PEX14: variants seen among roughly 807,000 people sequenced by gnomAD.
PEX14 encodes peroxisomal biogenesis factor 14, also known as peroxisomal membrane protein PEX14.
Under a neutral mutation model 49.5 loss-of-function variants are expected in PEX14, and 15 were observed. That is an observed-to-expected ratio of 0.30 (90% confidence interval 0.20 to 0.47). The LOEUF is 0.47. Ranked by LOEUF, PEX14 falls within the 20% of genes least tolerant of loss-of-function variation. PEX14 has a pLI of 1.00. For missense variants in PEX14, 398 were observed against 494.8 expected, an observed-to-expected ratio of 0.80 and a Z score of 1.86; for synonymous variants, 210 against 212.7, an observed-to-expected ratio of 0.99 and a Z score of 0.11.
Position 10,630,217 on chromosome 1 carries a change from G to A in PEX14, c.*230G>A, listed in dbSNP as rs1470481443. 4 of 658,452 alleles carry A rather than the reference G, an allele frequency of 6.1e-6. No homozygotes were observed. Among genetic ancestry groups the A allele is most frequent in the Admixed American group, 6.0e-5 (2 of 33,284 alleles). 40.8% of individuals were successfully genotyped at this position (658,452 alleles called of 1,614,324 possible). On this transcript the variant is annotated 3_prime_UTR_variant, in exon 9 of 9. Coordinates refer to ENST00000356607, the MANE Select transcript of PEX14 (RefSeq NM_004565.3). The surrounding 1 kb of genome is among the most constrained non-coding windows in gnomAD (Gnocchi z 4.1). ...AGCCCCAGCCCCAGCCCCAGGCCCAGCTGCCTTTGGCTTTGATCTCAAGTC... is the reference window on the plus strand; with the variant it reads ...AGCCCCAGCCCCAGCCCCAGGCCCAACTGCCTTTGGCTTTGATCTCAAGTC...
intron 3 of PEX14, among the ~76,000 whole-genome samples, chr1:10,581,305 CTTTTTTTTTTT>C (rs71583884): frequency 2.4e-5 from 3 of 126,990 alleles, no homozygotes; most frequent in Admixed American, 1.6e-4. Flanking sequence ...CTTTGTTATC[CTTTTTTTTTTT>C]TTTTTTTTGA....
At chr1:10,485,146 G>A (rs1267925475) in intron 1 of PEX14, among the ~76,000 whole-genome samples, 1 of 151,564 alleles carries the variant, frequency 6.6e-6, no homozygotes, top group Non-Finnish European at 1.5e-5. Flanking sequence ...AAGTGTTTGC[G>A]AGGACATATT....
chr1:10,599,010 A>G (rs988750751), intron 3 of PEX14, among the ~76,000 whole-genome samples: 3 of 152,142 alleles, frequency 2.0e-5, no homozygotes, highest in African/African-American at 7.2e-5. Flanking sequence ...AGGATAAATT[A>G]AGGAAATTGA....
chr1:10,502,435 G>A (rs1198995686), intron 2 of PEX14, among the ~76,000 whole-genome samples: 2 of 152,194 alleles, frequency 1.3e-5, no homozygotes, highest in African/African-American at 2.4e-5. Flanking sequence ...ATCACAGACA[G>A]CAGGTTTATT....
intron 3 of PEX14, among the ~76,000 whole-genome samples, chr1:10,585,520 T>C (rs1418725558): frequency 1.3e-5 from 2 of 152,204 alleles, no homozygotes; most frequent in Admixed American, 1.3e-4. Flanking sequence ...ACACCTTTAG[T>C]ATAAAGATAT....
At chr1:10,532,348 T>G (rs1638673798) in intron 2 of PEX14, among the ~76,000 whole-genome samples, 1 of 151,704 alleles carries the variant, frequency 6.6e-6, no homozygotes, top group Non-Finnish European at 1.5e-5. Context: ...GTGGCAGGGT[T>G]GTTTTATTTT....
At chr1:10,538,087 G>T (rs940804733) in intron 3 of PEX14, among the ~76,000 whole-genome samples, 1 of 152,212 alleles carries the variant, frequency 6.6e-6, no homozygotes, top group African/African-American at 2.4e-5. Context: ...CCCTCGCAGA[G>T]CTTAAATTCT....
At chr1:10,536,443 C>G (rs1406668924) in intron 3 of PEX14, 146 bp downstream of exon 3, 3 of 681,282 alleles carry the variant, frequency 4.4e-6, no homozygotes, top group Admixed American at 2.3e-5. Context: ...GGCGAACCCC[C>G]CAGTGGGGCA....
chr1:10,594,405 C>G (rs1244437264), intron 3 of PEX14, among the ~76,000 whole-genome samples: 1 of 152,152 alleles, frequency 6.6e-6, no homozygotes, highest in South Asian at 2.1e-4. Flanking sequence ...GGCTGCAGAG[C>G]GGGGAGGAAG....
chr1:10,485,343 G>C (rs931529675), intron 1 of PEX14, among the ~76,000 whole-genome samples: 8 of 37,736 alleles, frequency 2.1e-4, no homozygotes, highest in Non-Finnish European at 3.7e-4. Flanking sequence ...GGTCTTTTTT[G>C]TCTTTGTCGC....
At chr1:10,536,500 G>C in intron 3 of PEX14, 1 of 594,908 alleles carries the variant, frequency 1.7e-6, no homozygotes, top group Non-Finnish European at 3.1e-6. Flanking sequence ...ACACGATTCG[G>C]GTAATTAAGC....
At chr1:10,524,355 G>C (rs1638399672) in intron 2 of PEX14, 2 of 361,748 alleles carry the variant, frequency 5.5e-6, no homozygotes, top group Admixed American at 6.4e-5. Context: ...AAAGCAAGAT[G>C]GTAATTCATA....
rs535672571 is a variant in PEX14, at chr1:10,582,841, C to T, written c.170-16397C>T. On this transcript the variant is annotated intron_variant, in intron 3 of 8. Transcript: ENST00000356607. ...CTCCGCCTCCCGGATTCAATCAATT[C>T]TGCCACCCCAGCCTCCTGAGTAGCT... is the stretch of plus-strand genomic sequence containing the variant. Among the ~76,000 whole-genome samples, 399 of 152,234 alleles carry T rather than the reference C, an allele frequency of 2.6e-3. 3 individuals carry two copies. Among genetic ancestry groups the T allele is most frequent in the Middle Eastern group, 6.8e-3 (2 of 294 alleles).
chr1:10,526,409 G>C (rs1638484964), intron 2 of PEX14, among the ~76,000 whole-genome samples: 1 of 152,028 alleles, frequency 6.6e-6, no homozygotes, highest in African/African-American at 2.4e-5. Context: ...ATTACAGACG[G>C]TGTTTCACCA....
chr1:10,572,689 A>G (rs11583484), intron 3 of PEX14, among the ~76,000 whole-genome samples: 9 of 144,834 alleles, frequency 6.2e-5, no homozygotes, highest in Non-Finnish European at 1.2e-4. Flanking sequence ...CGCCCCCCCC[A>G]CCACGCCCAG....
chr1:10,479,713 AAG>A (rs1458384860), intron 1 of PEX14, among the ~76,000 whole-genome samples: 15 of 152,332 alleles, frequency 9.8e-5, no homozygotes, highest in African/African-American at 3.6e-4. Context: ...AGCAGAGTGA[AAG>A]AGTGGAAGAG....
At chr1:10,541,505 C>G (rs933189134) in intron 3 of PEX14, among the ~76,000 whole-genome samples, 5 of 152,206 alleles carry the variant, frequency 3.3e-5, no homozygotes, top group East Asian at 3.9e-4. Flanking sequence ...GGGGCGGGGC[C>G]GTGCCCTGCA....
chr1:10,621,083 G>A (rs7519016), intron 5 of PEX14, among the ~76,000 whole-genome samples: 162 of 152,040 alleles, frequency 1.1e-3, no homozygotes, highest in Non-Finnish European at 2.2e-3. Context: ...TAGTTTCTAC[G>A]AAGCTCTGGG....
At chr1:10,533,195 G>T (rs1638699253) in intron 2 of PEX14, among the ~76,000 whole-genome samples, 1 of 152,012 alleles carries the variant, frequency 6.6e-6, no homozygotes, top group Non-Finnish European at 1.5e-5. Flanking sequence ...TTAGGTTGGG[G>T]CTATTTGAGT....
Sources: gnomAD v4.1 joint callset for allele counts (sites outside exome capture counted in the v4.1 genomes callset) on GRCh38, gnomAD v4.1.1 for gene constraint, Gnocchi (gnomAD v3.1) non-coding constraint, MANE v1.5 for transcripts, NCBI Gene and HGNC (gene_info 2026-07-23, HGNC 2026-07-21) for gene names.